UGT2B7: variants seen among roughly 807,000 people sequenced by gnomAD.
UGT2B7 encodes UDP glucuronosyltransferase family 2 member B7, also known as UDP-glucuronosyltransferase 2B7.
In UGT2B7, 51 loss-of-function variants were observed where a neutral mutation model predicts 51.9. That is an observed-to-expected ratio of 0.98 (90% confidence interval 0.78 to 1.24). The LOEUF is 1.24. Ranked by LOEUF, UGT2B7 falls within the 50% of genes most tolerant of loss-of-function variation. UGT2B7 has a pLI of 0.00. For missense variants in UGT2B7, 727 were observed against 628.4 expected, an observed-to-expected ratio of 1.16 and a Z score of -1.68; for synonymous variants, 225 against 211.6, an observed-to-expected ratio of 1.06 and a Z score of -0.55.
chr4:69,107,223 A>G lies in UGT2B7; in HGVS notation c.1051A>G (p.Thr351Ala), dbSNP rs751770492. ...GNKPDTLGLN[T>A]RLYKWIPQND... ...TAAACCAGATACCTTAGGTCTCAATACTCGGCTCTACAAGTGGATACCCCA... is the reference window on the plus strand; with the variant it reads ...TAAACCAGATACCTTAGGTCTCAATGCTCGGCTCTACAAGTGGATACCCCA... Residue 351 changes from threonine to alanine, a missense_variant, in exon 4 of 6, where the codon ACT becomes GCT. Thr to Ala is a moderately conservative substitution (Grantham distance 58). Transcript: ENST00000305231. 2.5e-6 allele frequency: 4 copies of G among 1,609,802 alleles called. No homozygotes were observed. In the African/African-American group the frequency reaches 4.0e-5, roughly 16 times the overall value.
chr4:69,065,575 T>A (rs1718464318), intron 1 of UGT2B7, among the ~76,000 whole-genome samples: 1 of 152,188 alleles, frequency 6.6e-6, no homozygotes, highest in Non-Finnish European at 1.5e-5. Context: ...AAATATCACT[T>A]AAAATTTTTT....
chr4:69,100,165 T>C (rs186120058), intron 2 of UGT2B7, among the ~76,000 whole-genome samples: 3 of 152,094 alleles, frequency 2.0e-5, no homozygotes, highest in Admixed American at 2.0e-4. Context: ...AAGCAACTTA[T>C]TAAAGCTTCC....
intron 3 of UGT2B7, among the ~76,000 whole-genome samples, chr4:69,104,025 ACG>A (rs1719513450): frequency 6.6e-6 from 1 of 152,160 alleles, no homozygotes; most frequent in Non-Finnish European, 1.5e-5. Context: ...ACGGTAGCTC[ACG>A]CCTGTAATCC....
upstream of UGT2B7, among the ~76,000 whole-genome samples, chr4:69,091,590 A>G (rs1010192614): frequency 5.9e-5 from 9 of 152,140 alleles, no homozygotes; most frequent in East Asian, 9.6e-4. Flanking sequence ...ATTTATTTCA[A>G]TTCGGAGCCC....
intron 1 of UGT2B7, among the ~76,000 whole-genome samples, chr4:69,067,069 C>T (rs377345463): frequency 6.6e-6 from 1 of 152,100 alleles, no homozygotes; most frequent in East Asian, 1.9e-4. Context: ...GGCATGCATC[C>T]TGCTTCTTTT....
intron 1 of UGT2B7, among the ~76,000 whole-genome samples, chr4:69,053,102 G>C (rs999096295): frequency 6.6e-6 from 1 of 151,762 alleles, no homozygotes; most frequent in African/African-American, 2.4e-5. Flanking sequence ...ATTATAAAAG[G>C]TTAAAAAGAG....
At chr4:69,064,890 G>A (rs972298626) in intron 1 of UGT2B7, among the ~76,000 whole-genome samples, 3 of 152,068 alleles carry the variant, frequency 2.0e-5, no homozygotes, top group African/African-American at 7.2e-5. Context: ...TTAACGTTGT[G>A]ATTAGAAAAA....
intron 1 of UGT2B7, among the ~76,000 whole-genome samples, chr4:69,086,453 T>G (rs951719928): frequency 6.6e-6 from 1 of 151,954 alleles, no homozygotes; most frequent in Non-Finnish European, 1.5e-5. Context: ...ACTCTGCAGC[T>G]GTTGGATGGA....
chr4:69,064,024 GAAA>G (rs1718416401), intron 1 of UGT2B7, among the ~76,000 whole-genome samples: 3 of 33,782 alleles, frequency 8.9e-5, no homozygotes, highest in Non-Finnish European at 1.6e-4. Flanking sequence ...AGATGGGAAA[GAAA>G]GAAAGAAAGA....
chr4:69,055,349 A>G (rs905221682), intron 1 of UGT2B7, among the ~76,000 whole-genome samples: 1 of 150,770 alleles, frequency 6.6e-6, no homozygotes, highest in Non-Finnish European at 1.5e-5. Flanking sequence ...TGACTCCAAA[A>G]AAAAAAAAAG....
At position 69,112,746 on chromosome 4, in the gene UGT2B7, A is replaced by C; in HGVS notation, c.*10A>C. ...GGGAAAAAATGATTAGTTATATCTG[A>C]GATTTGAAGCTGGAAAACCTGATAG... is the stretch of plus-strand genomic sequence containing the variant. On this transcript the variant is annotated 3_prime_UTR_variant, in exon 6 of 6. Transcript: ENST00000305231. 6.2e-7 allele frequency: 1 copy of C among 1,613,112 alleles called. No homozygotes were observed. The highest frequency in any genetic ancestry group is 8.5e-7 in the Non-Finnish European group (1 of 1,179,654).
chr4:69,080,676 C>T (rs913215722), intron 1 of UGT2B7, among the ~76,000 whole-genome samples: 7 of 152,030 alleles, frequency 4.6e-5, no homozygotes, highest in African/African-American at 1.7e-4. Flanking sequence ...CGCTAAGCAC[C>T]TATTGAAAAG....
At chr4:69,073,025 G>T (rs4694607) in intron 1 of UGT2B7, among the ~76,000 whole-genome samples, 14 of 151,774 alleles carry the variant, frequency 9.2e-5, no homozygotes, top group African/African-American at 3.4e-4. Context: ...TGGCCCACTG[G>T]GTTCTCCACC....
At chr4:69,108,989 T>C (rs909824420) in intron 5 of UGT2B7, among the ~76,000 whole-genome samples, 6 of 152,090 alleles carry the variant, frequency 3.9e-5, no homozygotes, top group African/African-American at 1.2e-4. Context: ...AATGGAATCA[T>C]ACAGTTTAGG....
chr4:69,085,426 CTGA>C (rs1354498043), intron 1 of UGT2B7, among the ~76,000 whole-genome samples: 1 of 152,040 alleles, frequency 6.6e-6, no homozygotes, highest in Non-Finnish European at 1.5e-5. Flanking sequence ...CCTGTTCAGT[CTGA>C]TGATAGTTTA....
chr4:69,111,879 T>G (rs1450118427), intron 5 of UGT2B7, among the ~76,000 whole-genome samples: 1 of 152,242 alleles, frequency 6.6e-6, no homozygotes, highest in Non-Finnish European at 1.5e-5. Flanking sequence ...ACAAATTCGA[T>G]GTCAATTCTT....
chr4:69,083,344 G>A (rs1482371060), intron 1 of UGT2B7, among the ~76,000 whole-genome samples: 2 of 152,032 alleles, frequency 1.3e-5, no homozygotes, highest in African/African-American at 2.4e-5. Flanking sequence ...GTCTTAGATT[G>A]TGATTTCTGT....
rs4337789 is a variant in UGT2B7 at position 69,107,326 on chromosome 4, A to T, written c.1090+64A>T. On this transcript the variant is annotated intron_variant, in intron 4 of 5. Transcript: ENST00000305231. ...CAGCACATTAGAGTGTTAATAGTTC[A>T]TCATGAAACAAGCTTATTGAATATT... 0.5 allele frequency: 733,165 copies of T among 1,456,138 alleles called. 191,054 individuals carry two copies. The highest frequency in any genetic ancestry group is 0.77 in the African/African-American group (53,090 of 68,930). The allele number at this position is 1,456,138 out of a possible 1,614,324, so 90.2% of individuals were successfully genotyped here. A position where few individuals can be genotyped will look rare whatever the true frequency, so the allele number is the denominator to read the frequency against.
chr4:69,060,623 C>T (rs577178936), intron 1 of UGT2B7, among the ~76,000 whole-genome samples: 86 of 152,308 alleles, frequency 5.6e-4, no homozygotes, highest in Middle Eastern at 6.8e-3. Flanking sequence ...TGGCATCACC[C>T]GGTGGCATAC....
Sources: allele counts gnomAD v4.1 joint callset (sites outside exome capture counted in the v4.1 genomes callset), GRCh38; gene constraint gnomAD v4.1.1; transcripts MANE v1.5; gene names NCBI Gene and HGNC (gene_info 2026-07-23, HGNC 2026-07-21).